HHAT: variants seen among roughly 807,000 people sequenced by gnomAD.
HHAT encodes the protein hedgehog acyltransferase, also known as protein-cysteine N-palmitoyltransferase HHAT.
HHAT carries 47 observed loss-of-function variants against 70.8 expected under a neutral mutation model. The ratio of observed to expected loss-of-function variants is 0.66; its 90% CI spans 0.53 to 0.85. The LOEUF (loss-of-function observed/expected upper bound fraction) is 0.85. Among genes scored for constraint, HHAT ranks in the 40% least tolerant of loss-of-function variants. The pLI, the probability that HHAT is intolerant of heterozygous loss-of-function variation, is 0.00. For synonymous variants in HHAT, 228 were observed against 247.6 expected (o/e 0.92, Z 0.74); for missense variants, 609 against 604.8 (o/e 1.01, Z -0.07).
intron 8 of HHAT, among the ~76,000 whole-genome samples, chr1:210,473,435 C>G (rs12133537): frequency 0.82 from 124,911 of 151,934 alleles, 51,520 homozygotes; most frequent in South Asian, 0.86. Context: ...AGGAGGGGTC[C>G]ATTCAGTTGA....
At chr1:210,549,888 A>C (rs1489842555) in intron 9 of HHAT, among the ~76,000 whole-genome samples, 5 of 148,746 alleles carry the variant, frequency 3.4e-5, no homozygotes, top group Non-Finnish European at 7.4e-5. Context: ...GTTCAGTTGA[A>C]TCATACTACT....
intron 8 of HHAT, among the ~76,000 whole-genome samples, chr1:210,487,236 A>G (rs115535510): frequency 3.5e-4 from 54 of 152,318 alleles, no homozygotes; most frequent in African/African-American, 1.3e-3. Flanking sequence ...GGTGAGGACA[A>G]AGGAGTTGCA....
At chr1:210,489,597 G>A (rs779277916) in intron 8 of HHAT, among the ~76,000 whole-genome samples, 7 of 152,122 alleles carry the variant, frequency 4.6e-5, no homozygotes, top group African/African-American at 1.7e-4. Context: ...GCCTCTTTTG[G>A]TCATGTTCTC....
In HHAT at chr1:210,614,770, C is replaced by T. The variant is rs577831409; in HGVS notation, c.1246-8756C>T. Among the ~76,000 whole-genome samples, 26 of 152,318 alleles carry T rather than the reference C, an allele frequency of 1.7e-4. No homozygotes were observed. In the East Asian group the frequency reaches 5.0e-3, roughly 29 times the overall value. On this transcript the variant is annotated intron_variant, in intron 10 of 11. Coordinates refer to ENST00000261458, the MANE Select transcript of HHAT (RefSeq NM_018194.6). Reference sequence around the variant, plus strand: ...CATTTTTTATGGCTGCATAGTATTCCATGGTGTATATGTGCCACATTTTCT... The same window carrying T: ...CATTTTTTATGGCTGCATAGTATTCTATGGTGTATATGTGCCACATTTTCT...
At chr1:210,645,399 T>A (rs749696237) in intron 11 of HHAT, among the ~76,000 whole-genome samples, 16 of 152,204 alleles carry the variant, frequency 1.1e-4, no homozygotes, top group Non-Finnish European at 2.4e-4. Context: ...TGCCTCAGCC[T>A]CCTGAGTAGC....
chr1:210,357,574 C>T (rs2087776407), intron 2 of HHAT, among the ~76,000 whole-genome samples: 1 of 152,212 alleles, frequency 6.6e-6, no homozygotes, highest in Non-Finnish European at 1.5e-5. Context: ...ATAATCCCAG[C>T]ACTTTGGGAG....
chr1:210,346,934 TTATG>T (rs1272784858), intron 1 of HHAT, among the ~76,000 whole-genome samples: 1 of 152,242 alleles, frequency 6.6e-6, no homozygotes, highest in Non-Finnish European at 1.5e-5. Flanking sequence ...TTGTACATAT[TTATG>T]GTGTACAATG....
chr1:210,457,778 A>G (rs1020153714), intron 7 of HHAT, among the ~76,000 whole-genome samples: 3 of 151,966 alleles, frequency 2.0e-5, no homozygotes, highest in African/African-American at 7.2e-5. Context: ...AGGTGATCTC[A>G]TACTACTCAG....
upstream of HHAT, chr1:210,328,766 G>T (rs904107221): frequency 8.8e-6 from 3 of 340,364 alleles, no homozygotes; most frequent in African/African-American, 4.3e-5. Flanking sequence ...GGGGCTAGGG[G>T]CCCCGGGCCG....
chr1:210,481,278 T>G (rs966982654), intron 8 of HHAT, among the ~76,000 whole-genome samples: 15 of 152,306 alleles, frequency 9.8e-5, no homozygotes, highest in Admixed American at 8.5e-4. Flanking sequence ...TCTCATCAAC[T>G]GATAATACAT....
At chr1:210,416,126 G>A (rs2092713329) in intron 6 of HHAT, among the ~76,000 whole-genome samples, 1 of 152,310 alleles carries the variant, frequency 6.6e-6, no homozygotes, top group South Asian at 2.1e-4. Flanking sequence ...GAGACTGGAA[G>A]AATGTATGTT....
chr1:210,502,874 A>G (rs906081503), intron 8 of HHAT, among the ~76,000 whole-genome samples: 1 of 152,318 alleles, frequency 6.6e-6, no homozygotes, highest in Non-Finnish European at 1.5e-5. Flanking sequence ...CCTGGAGTGA[A>G]TCAGCCTCAA....
intron 10 of HHAT, among the ~76,000 whole-genome samples, chr1:210,593,940 A>G (rs1662340423): frequency 6.6e-6 from 1 of 151,958 alleles, no homozygotes; most frequent in African/African-American, 2.4e-5. Context: ...GTCTCTTTTT[A>G]TAGTTTTTAT....
At chr1:210,641,762 C>G (rs1237021127) in intron 11 of HHAT, among the ~76,000 whole-genome samples, 1 of 152,210 alleles carries the variant, frequency 6.6e-6, no homozygotes, top group Non-Finnish European at 1.5e-5. Flanking sequence ...CCTCATATAT[C>G]TACCAGCCAC....
chr1:210,352,037 G>C (rs1048177003), intron 2 of HHAT, among the ~76,000 whole-genome samples: 2 of 152,154 alleles, frequency 1.3e-5, no homozygotes, highest in Non-Finnish European at 1.5e-5. Flanking sequence ...AGTATTACTT[G>C]TCCAAGGTCA....
chr1:210,669,887 T>A (rs559943506), intron 11 of HHAT, among the ~76,000 whole-genome samples: 3 of 152,160 alleles, frequency 2.0e-5, no homozygotes, highest in Admixed American at 6.5e-5. Flanking sequence ...AGAGTATGTA[T>A]GTTGGGAGGA....
intron 9 of HHAT, among the ~76,000 whole-genome samples, chr1:210,564,118 T>TG: frequency 1.2e-5 from 1 of 86,208 alleles, no homozygotes; most frequent in Non-Finnish European, 2.6e-5. Context: ...CATGCCCAAC[T>TG]ATTTTTTTTT....
chr1:210,590,232 A>C (rs1026297440), intron 10 of HHAT: 1 of 152,184 alleles, frequency 6.6e-6, no homozygotes, highest in Non-Finnish European at 1.5e-5. Context: ...ATCCAAATGC[A>C]CACAATTTTT....
chr1:210,536,954 G>C (rs1423219278), intron 9 of HHAT, among the ~76,000 whole-genome samples: 1 of 152,076 alleles, frequency 6.6e-6, no homozygotes, highest in African/African-American at 2.4e-5. Context: ...AGAGAGAGGG[G>C]AATTGCACTT....
Sources: gnomAD v4.1 joint callset for allele counts (sites outside exome capture counted in the v4.1 genomes callset) on GRCh38, gnomAD v4.1.1 for gene constraint, MANE v1.5 for transcripts, NCBI Gene and HGNC (gene_info 2026-07-23, HGNC 2026-07-21) for gene names.